TBC1D5: variants seen among roughly 807,000 people sequenced by gnomAD.
The protein encoded by TBC1D5 is TBC1 domain family, member 5.
A neutral mutation model predicts 100.3 loss-of-function variants in TBC1D5; 75 were observed. The ratio of observed to expected loss-of-function variants is 0.75; its 90% CI spans 0.62 to 0.91. The LOEUF (loss-of-function observed/expected upper bound fraction) is 0.91. Ranked by LOEUF, TBC1D5 falls within the 40% of genes least tolerant of loss-of-function variation. TBC1D5 has a pLI of 0.00. For synonymous variants in TBC1D5, 323 were observed against 325.6 expected (o/e 0.99, Z 0.09); for missense variants, 910 against 942.4 (o/e 0.97, Z 0.45).
chr3:17,706,671 C>A (rs1429115795), intron 1 of TBC1D5, among the ~76,000 whole-genome samples: 4 of 151,880 alleles, frequency 2.6e-5, no homozygotes, highest in Non-Finnish European at 4.4e-5. Flanking sequence ...TAAAAATTAT[C>A]TTAAAAGGTT....
At chr3:17,507,598 T>G (rs2095857368) in intron 3 of TBC1D5, among the ~76,000 whole-genome samples, 1 of 152,180 alleles carries the variant, frequency 6.6e-6, no homozygotes, top group South Asian at 2.1e-4. Context: ...ATCATTTTGT[T>G]TGAAGAAAAT....
intron 17 of TBC1D5, among the ~76,000 whole-genome samples, chr3:17,221,655 T>C (rs1576073153): frequency 6.6e-6 from 1 of 152,252 alleles, no homozygotes; most frequent in East Asian, 1.9e-4. Context: ...AAGCTGGGAA[T>C]GGGCCTCAGT....
intron 18 of TBC1D5, among the ~76,000 whole-genome samples, chr3:17,190,632 C>A (rs1240498420): frequency 6.6e-6 from 1 of 152,100 alleles, no homozygotes; most frequent in Non-Finnish European, 1.5e-5. Context: ...GACATGCAGA[C>A]TACTGTGGCC....
intron 16 of TBC1D5, among the ~76,000 whole-genome samples, chr3:17,258,038 A>T (rs950537260): frequency 1.2e-4 from 19 of 152,184 alleles, no homozygotes; most frequent in Non-Finnish European, 2.2e-4. Context: ...TTATTCCTAC[A>T]GTGACCCTTA....
intron 1 of TBC1D5, among the ~76,000 whole-genome samples, chr3:17,634,769 G>GT (rs1452092337): frequency 1.3e-5 from 2 of 151,898 alleles, no homozygotes; most frequent in East Asian, 1.9e-4. Context: ...ATATCTGAGG[G>GT]GATGGATACC....
intron 3 of TBC1D5, among the ~76,000 whole-genome samples, chr3:17,432,534 C>A (rs2094462594): frequency 6.6e-6 from 1 of 152,016 alleles, no homozygotes; most frequent in Non-Finnish European, 1.5e-5. Context: ...ATCTAAGAGC[C>A]AGTGCTGAAG....
intron 4 of TBC1D5, among the ~76,000 whole-genome samples, chr3:17,408,135 G>A (rs2093822600): frequency 6.6e-6 from 1 of 152,010 alleles, no homozygotes; most frequent in Admixed American, 6.6e-5. Context: ...TACTAGATGT[G>A]CAAGCATGGG....
intron 15 of TBC1D5, among the ~76,000 whole-genome samples, chr3:17,268,530 G>T (rs2079057108): frequency 6.6e-6 from 1 of 152,040 alleles, no homozygotes; most frequent in Non-Finnish European, 1.5e-5. Context: ...ATAATTATAT[G>T]ACAAGATATA....
chr3:17,676,539 A>G (rs987724143), intron 1 of TBC1D5, among the ~76,000 whole-genome samples: 7 of 152,200 alleles, frequency 4.6e-5, no homozygotes, highest in African/African-American at 1.4e-4. Flanking sequence ...ATGCTCTTGG[A>G]TAGGAAGAAT....
At chr3:17,418,378 T>G (rs983600398) in intron 4 of TBC1D5, among the ~76,000 whole-genome samples, 3 of 152,024 alleles carry the variant, frequency 2.0e-5, no homozygotes, top group African/African-American at 4.8e-5. Flanking sequence ...GAGGCTGAGG[T>G]GGGTGGATCA....
At chr3:17,637,251 C>T (rs1172867668) in intron 1 of TBC1D5, among the ~76,000 whole-genome samples, 1 of 138,968 alleles carries the variant, frequency 7.2e-6, no homozygotes, top group Non-Finnish European at 1.5e-5. Context: ...ACCCTGTTAG[C>T]CAGGATGGTC....
intron 17 of TBC1D5, among the ~76,000 whole-genome samples, chr3:17,226,100 G>A (rs1372761756): frequency 1.3e-5 from 2 of 150,966 alleles, no homozygotes; most frequent in African/African-American, 4.9e-5. Flanking sequence ...GAGTAGTCTT[G>A]TCTCAAGACA....
At chr3:17,551,052 CTGTG>C (rs767136660) in intron 2 of TBC1D5, among the ~76,000 whole-genome samples, 1 of 151,064 alleles carries the variant, frequency 6.6e-6, no homozygotes, top group Non-Finnish European at 1.5e-5. Context: ...GTAAATAGCT[CTGTG>C]TGTGTGTGTG....
intron 15 of TBC1D5, among the ~76,000 whole-genome samples, chr3:17,270,346 C>A (rs2149662612): frequency 6.6e-6 from 1 of 151,874 alleles, no homozygotes; most frequent in East Asian, 1.9e-4. Flanking sequence ...GATTTTTTTC[C>A]CTTGATTTGT....
intron 2 of TBC1D5, among the ~76,000 whole-genome samples, chr3:17,603,512 G>A (rs1042467113): frequency 5.3e-5 from 8 of 152,022 alleles, no homozygotes; most frequent in Non-Finnish European, 1.2e-4. Flanking sequence ...ATTAAAAGGG[G>A]GAGGAACTCT....
Position 17,701,364 on chromosome 3 carries a change from A to T in TBC1D5, c.-101+37979T>A, listed in dbSNP as rs567484829. Among the ~76,000 whole-genome samples the T allele has an allele frequency of 7.2e-5, 11 of 152,290 alleles. No individual in the cohort carries two copies. In the South Asian group the frequency reaches 2.3e-3, roughly 32 times the overall value. ...TGGAGGAGAGATAGCATTAGGAGAA[A>T]TACCTAATGTAAATGACGAGCTGAT... On this transcript the variant is annotated intron_variant, in intron 1 of 21. Coordinates refer to ENST00000253692, the Ensembl canonical transcript of TBC1D5.
chr3:17,189,280 T>C (rs1242280635), intron 18 of TBC1D5, among the ~76,000 whole-genome samples: 2 of 152,222 alleles, frequency 1.3e-5, no homozygotes, highest in African/African-American at 4.8e-5. Context: ...AACATTAGTT[T>C]CTGGCTTTAA....
chr3:17,566,485 TTAA>T (rs1199092522), intron 2 of TBC1D5, among the ~76,000 whole-genome samples: 5 of 151,910 alleles, frequency 3.3e-5, no homozygotes, highest in African/African-American at 1.2e-4. Flanking sequence ...AATCTTGAAA[TTAA>T]TAAAAGTAGG....
At chr3:17,594,154 C>G (rs73165754) in intron 2 of TBC1D5, among the ~76,000 whole-genome samples, 2,263 of 152,292 alleles carry the variant, frequency 0.015, 51 homozygotes, top group African/African-American at 0.049. Context: ...CACCTCCTAC[C>G]TTTAAGCCAA....
Sources: gnomAD v4.1 joint callset for allele counts (sites outside exome capture counted in the v4.1 genomes callset) on GRCh38, gnomAD v4.1.1 for gene constraint, MANE v1.5 for transcripts, NCBI Gene and HGNC (gene_info 2026-07-23, HGNC 2026-07-21) for gene names.